Variants in CDYL observed in about 807,000 individuals in gnomAD.
CDYL encodes the protein chromodomain Y-like protein.
In CDYL, 8 loss-of-function variants were observed where a neutral mutation model predicts 47.3. The observed-to-expected ratio is 0.17, with a 90% confidence interval of 0.10 to 0.31. The LOEUF (loss-of-function observed/expected upper bound fraction) is 0.31, where lower values mean the gene tolerates loss of function less well. CDYL is among the 10% of genes least tolerant of loss of function. CDYL has a pLI of 1.00. For missense variants in CDYL, 471 were observed against 701.4 expected (o/e 0.67, Z 3.71); for synonymous variants, 266 against 265.0 (o/e 1.00, Z -0.04).
chr6:4,940,169 C>G (rs1266859504), intron 4 of CDYL, among the ~76,000 whole-genome samples: 1 of 152,192 alleles, frequency 6.6e-6, no homozygotes. Flanking sequence ...CCTGCTCCGT[C>G]CACTCTCCCT....
chr6:4,758,347 A>ATATATATATATATATAT, intron 3 of CDYL, among the ~76,000 whole-genome samples: 1 of 48,674 alleles, frequency 2.1e-5, no homozygotes, highest in South Asian at 1.7e-3. Context: ...CTTGAAAATA[A>ATATATATATATATATAT]ATAAATATAT....
chr6:4,867,120 T>G (rs1455715065), intron 1 of CDYL, among the ~76,000 whole-genome samples: 1 of 152,170 alleles, frequency 6.6e-6, no homozygotes, highest in African/African-American at 2.4e-5. Flanking sequence ...TTCATTTGTT[T>G]TAAAATACTT....
chr6:4,903,668 C>G (rs1757138688), intron 2 of CDYL, among the ~76,000 whole-genome samples: 1 of 152,166 alleles, frequency 6.6e-6, no homozygotes, highest in Admixed American at 6.5e-5. Flanking sequence ...GGCTCACCTC[C>G]CCTCTCCCGC....
intron 1 of CDYL, among the ~76,000 whole-genome samples, chr6:4,854,421 C>T (rs1373593859): frequency 2.6e-5 from 4 of 152,198 alleles, no homozygotes; most frequent in Non-Finnish European, 4.4e-5. Flanking sequence ...TTCTCCCCAG[C>T]ACAAAGGACT....
chr6:4,727,486 C>CGG (rs1757535171), intron 2 of CDYL, among the ~76,000 whole-genome samples: 1 of 152,050 alleles, frequency 6.6e-6, no homozygotes. Context: ...GGAAAACTAC[C>CGG]AAGTCATCTC....
rs58457972 is a variant in CDYL at position 4,925,409 on chromosome 6, C to CTTTTTTT, written c.692-10092_692-10086dup. ...CTCATTACAGGAGCTATTCTTTTTTCTTTTTTTTTTTTTTTTTTTTGAGAC... is the reference window on the plus strand; with the variant it reads ...CTCATTACAGGAGCTATTCTTTTTTCTTTTTTTTTTTTTTTTTTTTTTTTTTTGAGAC... On this transcript the variant is annotated intron_variant, in intron 2 of 6. Coordinates refer to ENST00000397588, the MANE Select transcript of CDYL (RefSeq NM_004824.4). Among the ~76,000 whole-genome samples, 130 of 109,276 alleles carry CTTTTTTT rather than the reference C, an allele frequency of 1.2e-3. 2 individuals are homozygous for CTTTTTTT. Among genetic ancestry groups the CTTTTTTT allele is most frequent in the African/African-American group, 1.5e-3 (44 of 28,474 alleles). The allele number at this position is 109,276 out of a possible 152,430, so 71.7% of individuals were successfully genotyped here. A position where few individuals can be genotyped will look rare whatever the true frequency, so the allele number is the denominator to read the frequency against.
chr6:4,939,944 G>T (rs117543405), intron 4 of CDYL, among the ~76,000 whole-genome samples: 2 of 152,094 alleles, frequency 1.3e-5, no homozygotes, highest in Non-Finnish European at 2.9e-5. Flanking sequence ...CCGTTTTCCC[G>T]TGTAGGCTTT....
At chr6:4,942,573 A>G (rs1201377271) in intron 4 of CDYL, among the ~76,000 whole-genome samples, 1 of 152,214 alleles carries the variant, frequency 6.6e-6, no homozygotes, top group African/African-American at 2.4e-5. Flanking sequence ...TGAAGGGACT[A>G]TCTTGTGTTT....
chr6:4,854,762 A>G (rs1760956384), intron 1 of CDYL, among the ~76,000 whole-genome samples: 1 of 152,186 alleles, frequency 6.6e-6, no homozygotes, highest in Non-Finnish European at 1.5e-5. Context: ...CCCCAGGGTG[A>G]CGTCGAAACA....
chr6:4,747,659 C>T (rs1207011702), intron 3 of CDYL, among the ~76,000 whole-genome samples: 10 of 152,166 alleles, frequency 6.6e-5, no homozygotes, highest in South Asian at 2.1e-4. Context: ...TGGACAACTG[C>T]GATTGTGGCT....
In CDYL at chr6:4,867,795, AAAG is replaced by A. The variant is rs201573053; in HGVS notation, c.25-23916_25-23914del. 9.1e-3 allele frequency among the ~76,000 whole-genome samples: 1,362 copies of A among 150,366 alleles called. 10 individuals are homozygous for A. The highest frequency in any genetic ancestry group is 0.014 in the Non-Finnish European group (946 of 67,554). ...GGGTTTTTTTTTTTTTTTTGGTAAA[AAAG>A]ATTTTGCTGATTTCCTTTTCTTCTG... On this transcript the variant is annotated intron_variant, in intron 1 of 6. Transcript: ENST00000397588.
At chr6:4,934,651 A>G (rs1453038545) in intron 2 of CDYL, among the ~76,000 whole-genome samples, 3 of 152,172 alleles carry the variant, frequency 2.0e-5, no homozygotes, top group African/African-American at 4.8e-5. Flanking sequence ...CAATTCATAC[A>G]GACAGGAGGA....
At chr6:4,736,299 C>T (rs192706288) in intron 3 of CDYL, among the ~76,000 whole-genome samples, 61 of 152,298 alleles carry the variant, frequency 4.0e-4, no homozygotes, top group Middle Eastern at 6.8e-3. Flanking sequence ...TATGAAAACA[C>T]GTGTGCTTTC....
intron 1 of CDYL, among the ~76,000 whole-genome samples, chr6:4,816,241 C>T (rs1759671409): frequency 6.7e-6 from 1 of 149,320 alleles, no homozygotes; most frequent in African/African-American, 2.5e-5. Context: ...ACGCAAATCT[C>T]TCGCGTCCCT....
At chr6:4,946,945 A>G (rs1003210539) in intron 5 of CDYL, among the ~76,000 whole-genome samples, 1 of 152,024 alleles carries the variant, frequency 6.6e-6, no homozygotes, top group Non-Finnish European at 1.5e-5. Flanking sequence ...TCCAGTAGCC[A>G]TCCCAGCAGC....
intron 1 of CDYL, among the ~76,000 whole-genome samples, chr6:4,853,396 C>G (rs558240966): frequency 2.0e-5 from 3 of 152,168 alleles, no homozygotes; most frequent in Admixed American, 6.5e-5. Context: ...GATGGCAGAG[C>G]CTGCATCTGA....
chr6:4,837,794 GAC>G (rs1760366930), intron 1 of CDYL, among the ~76,000 whole-genome samples: 1 of 151,470 alleles, frequency 6.6e-6, no homozygotes, highest in Admixed American at 6.6e-5. Context: ...GTTGGTTTAA[GAC>G]AGAGTCTTGC....
At chr6:4,723,944 A>G (rs548995035) in intron 2 of CDYL, among the ~76,000 whole-genome samples, 19 of 152,354 alleles carry the variant, frequency 1.2e-4, no homozygotes, top group African/African-American at 2.9e-4. Flanking sequence ...GTTAGAATGA[A>G]TGAGCCCTGG....
intron 2 of CDYL, among the ~76,000 whole-genome samples, chr6:4,930,970 T>C (rs1318349156): frequency 6.6e-6 from 1 of 152,078 alleles, no homozygotes. Flanking sequence ...GGGGGGCGGT[T>C]TTTTTCTGAA....
Sources: allele counts gnomAD v4.1 joint callset (sites outside exome capture counted in the v4.1 genomes callset), GRCh38; gene constraint gnomAD v4.1.1; transcripts MANE v1.5; gene names NCBI Gene and HGNC (gene_info 2026-07-23, HGNC 2026-07-21).